The following DNAJC13 variants were observed in gnomAD, a reference collection of about 807,000 sequenced individuals.
The protein encoded by DNAJC13 is dnaJ homolog subfamily C member 13.
In DNAJC13, 75 loss-of-function variants were observed where a neutral mutation model predicts 290.5. That is an observed-to-expected ratio of 0.26 (90% CI 0.21 to 0.31). DNAJC13 has a LOEUF of 0.31. Among genes scored for constraint, DNAJC13 ranks in the 10% least tolerant of loss-of-function variants. The pLI, the probability that DNAJC13 is intolerant of heterozygous loss-of-function variation, is 1.00. For missense variants in DNAJC13, 2,260 were observed against 2,674.5 expected (o/e 0.85, Z 3.42); for synonymous variants, 862 against 892.0 (o/e 0.97, Z 0.60).
At chr3:132,432,683 T>A (rs1939273735) in intron 1 of DNAJC13, among the ~76,000 whole-genome samples, 1 of 152,250 alleles carries the variant, frequency 6.6e-6, no homozygotes, top group South Asian at 2.1e-4. Flanking sequence ...TAAAATTAGC[T>A]AAGTTTACCT....
intron 29 of DNAJC13, among the ~76,000 whole-genome samples, chr3:132,485,263 G>A (rs78950940): frequency 1.3e-4 from 20 of 152,130 alleles, no homozygotes; most frequent in Admixed American, 1.1e-3. Context: ...TCAGCCTCCC[G>A]AGTAGCTGGG....
Position 132,474,951 on chromosome 3 carries a change from A to G in DNAJC13, c.2311A>G (p.Arg771Gly). Reference sequence around the variant, plus strand: ...GTCTAGGTTTGGTCAAGACCATGCCAGGTCAAACCTTATTTGGAATTTCAA... The same window carrying G: ...GTCTAGGTTTGGTCAAGACCATGCCGGGTCAAACCTTATTTGGAATTTCAA... ...FYYRFGQDHA[R>G]SNLIWNFKTR... Residue 771 changes from arginine (R) to glycine (G), a missense_variant, in exon 22 of 56, where the codon AGG becomes GGG. By Grantham distance (125) the Arg-to-Gly change is moderately radical (BLOSUM62 -2). Around this residue, in one of 3 missense-constraint regions of DNAJC13, gnomAD observed 762 missense variants for 964.1 expected, o/e 0.79. Transcript: ENST00000260818. 1.2e-6 allele frequency: 2 copies of G among 1,607,544 alleles called. No individual in the cohort carries two copies. The highest frequency in any genetic ancestry group is 1.7e-6 in the Non-Finnish European group (2 of 1,177,182).
intron 13 of DNAJC13, among the ~76,000 whole-genome samples, chr3:132,459,139 G>A (rs1933711567): frequency 6.6e-6 from 1 of 152,160 alleles, no homozygotes; most frequent in African/African-American, 2.4e-5. Context: ...TAAGGCCCAA[G>A]TAACTTGTTC....
Position 132,514,596 on chromosome 3 carries a change from A to C in DNAJC13, c.5411A>C (p.Gln1804Pro), listed in dbSNP as rs751440519. ...GTTGTGAATATAGTGACATCTAACC[A>C]AGACTGTGTCAACAATATTGCTGAA... Reference protein sequence around the residue: ...LEVVNIVTSNQDCVNNIAESM... With the variant: ...LEVVNIVTSNPDCVNNIAESM... Residue 1804 changes from glutamine (Q) to proline (P), a missense_variant, in exon 46 of 56, where the codon CAA (glutamine) becomes CCA (proline). Physicochemically the swap from Gln to Pro is moderately conservative, Grantham distance 76 (BLOSUM62 -1). Transcript: ENST00000260818. 1 of 1,610,750 alleles carries C rather than the reference A, an allele frequency of 6.2e-7. No homozygotes were observed. Among genetic ancestry groups the C allele is most frequent in the East Asian group, 2.2e-5 (1 of 44,730 alleles).
In DNAJC13 at chr3:132,503,252, T is replaced by A. The variant is rs141361991; in HGVS notation, c.4755T>A (p.Ala1585=). The change falls in exon 41 of 56, where the codon GCT becomes GCA. Residue 1585 remains alanine (A), a synonymous_variant. Coordinates refer to ENST00000260818, the MANE Select transcript of DNAJC13 (RefSeq NM_015268.4). ...GCCTTGCCAAACTGAGTGTCCATGC[T>A]CTGAGTCGCCTTGGAGGGTATTTGG... ...ANSLAKLSVH[A]LSRLGGYLAE... is the part of the protein sequence containing the mutation. 1.9e-5 allele frequency: 30 copies of A among 1,614,014 alleles called. No individual in the cohort carries two copies. In the African/African-American group the frequency reaches 3.9e-4, roughly 21 times the overall value.
At position 132,472,957 on chromosome 3, in the gene DNAJC13, A is replaced by G. The variant is rs543555169; in HGVS notation, c.2209-188A>G. Among the ~76,000 whole-genome samples the G allele has an allele frequency of 5.9e-5, 9 of 152,336 alleles. No individual in the cohort carries two copies. The South Asian group carries it at 1.7e-3, about 28-fold the overall frequency. On this transcript the variant is annotated intron_variant, in intron 20 of 55. Coordinates refer to ENST00000260818, the MANE Select transcript of DNAJC13 (RefSeq NM_015268.4). Reference sequence around the variant, plus strand: ...TAGAAATATATGCTGTCAAATTATTATATGTGATATAATTTAATATCCTGT... The same window carrying G: ...TAGAAATATATGCTGTCAAATTATTGTATGTGATATAATTTAATATCCTGT...
intron 19 of DNAJC13, 119 bp from the exon 20 acceptor site, chr3:132,467,051 C>G: frequency 2.6e-6 from 3 of 1,135,574 alleles, no homozygotes; most frequent in Non-Finnish European, 3.5e-6. Flanking sequence ...TTTGTTTCTT[C>G]ACTGAACCAT....
chr3:132,493,870 C>T (rs568634056), intron 33 of DNAJC13, among the ~76,000 whole-genome samples: 138 of 152,150 alleles, frequency 9.1e-4, no homozygotes, highest in African/African-American at 3.1e-3. Flanking sequence ...TTAATTCTTC[C>T]TGGGTTTAAT....
At chr3:132,508,668 G>A (rs1380632518) in intron 43 of DNAJC13, among the ~76,000 whole-genome samples, 1 of 152,056 alleles carries the variant, frequency 6.6e-6, no homozygotes, top group South Asian at 2.1e-4. Context: ...AAAAACTATT[G>A]GGTACTGTAC....
chr3:132,424,683 G>A (rs185508874), intron 1 of DNAJC13, among the ~76,000 whole-genome samples: 1 of 152,216 alleles, frequency 6.6e-6, no homozygotes, highest in Non-Finnish European at 1.5e-5. Flanking sequence ...ATGATTATCA[G>A]ATGAAATTTG....
At chr3:132,488,020 A>G (rs952273976) in intron 29 of DNAJC13, among the ~76,000 whole-genome samples, 2 of 152,178 alleles carry the variant, frequency 1.3e-5, no homozygotes, top group African/African-American at 2.4e-5. Context: ...ACAAGAAGCA[A>G]TGTTACCTGT....
intron 25 of DNAJC13, among the ~76,000 whole-genome samples, chr3:132,480,089 A>G (rs1162330130): frequency 6.6e-6 from 1 of 152,166 alleles, no homozygotes. Context: ...GTAAAACCAG[A>G]GGTTGTTTTT....
In DNAJC13 at chr3:132,504,236, T is replaced by C. The variant is rs560196939; in HGVS notation, c.4884+855T>C. 9.1e-4 allele frequency among the ~76,000 whole-genome samples: 138 copies of C among 152,174 alleles called. 1 individual carries two copies. The highest frequency in any genetic ancestry group is 1.7e-3 in the Non-Finnish European group (113 of 67,984). Reference sequence around the variant, plus strand: ...GTTATTTGTTTTTAATCCAATGTGATTGAGTCCAATTTTCAGTGCTTGCCA... The same window carrying C: ...GTTATTTGTTTTTAATCCAATGTGACTGAGTCCAATTTTCAGTGCTTGCCA... On this transcript the variant is annotated intron_variant, in intron 41 of 55. Coordinates refer to ENST00000260818, the MANE Select transcript of DNAJC13 (RefSeq NM_015268.4).
chr3:132,428,322 G>T lies in DNAJC13; in HGVS notation c.-13-6216G>T, dbSNP rs144089911. Among the ~76,000 whole-genome samples, 5 of 152,272 alleles carry T rather than the reference G, an allele frequency of 3.3e-5. No homozygotes were observed. The East Asian group carries it at 9.6e-4, about 29-fold the overall frequency. ...GTTTCCAGACCACTTGCCATTCATT[G>T]GCTGAAATGACTTTATCAAACAATA... On this transcript the variant is annotated intron_variant, in intron 1 of 55. Transcript: ENST00000260818.
At chr3:132,420,991 T>C (rs1938942935) in intron 1 of DNAJC13, among the ~76,000 whole-genome samples, 1 of 152,236 alleles carries the variant, frequency 6.6e-6, no homozygotes, top group Non-Finnish European at 1.5e-5. Context: ...AAGAACTGTT[T>C]TGTACATGTT....
rs552840100 is a variant in DNAJC13, at chr3:132,464,609, A to AT, written c.1892+802dup. On this transcript the variant is annotated intron_variant, in intron 17 of 55. Coordinates refer to ENST00000260818, the MANE Select transcript of DNAJC13 (RefSeq NM_015268.4). ...ATCATGGTATGCTGCCTTGCCAGGG[A>AT]TTTTTTTTTTACTGTTTATACTATT... Among the ~76,000 whole-genome samples, 595 of 149,738 alleles carry AT rather than the reference A, an allele frequency of 4.0e-3. 2 individuals carry two copies. The highest frequency in any genetic ancestry group is 6.7e-3 in the Non-Finnish European group (453 of 67,240).
At chr3:132,454,286 C>A (rs1576468910) in intron 9 of DNAJC13, 129 bp downstream of exon 9, 12 of 555,084 alleles carry the variant, frequency 2.2e-5, no homozygotes, top group Middle Eastern at 4.2e-4. Flanking sequence ...CATTTTCTTG[C>A]ATATTTAAAA....
chr3:132,483,247 T>A (rs1223483310), intron 27 of DNAJC13, 128 bp from the exon 28 acceptor site: 1 of 984,806 alleles, frequency 1.0e-6, no homozygotes, highest in Non-Finnish European at 1.5e-6. Context: ...ACAAAACTTA[T>A]TTTTTCTGAA....
In DNAJC13 at chr3:132,534,786, G is replaced by A. The variant is rs1936541123; in HGVS notation, c.6626-3390G>A. Among the ~76,000 whole-genome samples the A allele has an allele frequency of 2.0e-5, 3 of 152,222 alleles. No individual in the cohort carries two copies. The South Asian group carries it at 6.2e-4, about 31-fold the overall frequency. On this transcript the variant is annotated intron_variant, in intron 55 of 55. Transcript: ENST00000260818. ...TACAGATGATGTAGGCAAATTAAGA[G>A]ATAAATTAGGTAAATTTACTGCCAG...
Sources: gnomAD v4.1 joint callset for allele counts (sites outside exome capture counted in the v4.1 genomes callset) on GRCh38, gnomAD v4.1.1 for gene constraint, gnomAD v4.1.1 regional missense constraint, MANE v1.5 for transcripts, NCBI Gene and HGNC (gene_info 2026-07-23, HGNC 2026-07-21) for gene names.